CPXM2: variants seen among roughly 807,000 people sequenced by gnomAD.
The protein encoded by CPXM2 is inactive carboxypeptidase-like protein X2.
Under a neutral mutation model 86.1 loss-of-function variants are expected in CPXM2, and 66 were observed. That is an observed-to-expected ratio of 0.77 (90% CI 0.63 to 0.94). The LOEUF is 0.94. CPXM2 is among the 40% of genes least tolerant of loss of function. CPXM2 has a pLI of 0.00. For synonymous variants in CPXM2, 388 were observed against 400.2 expected, an observed-to-expected ratio of 0.97 and a Z score of 0.36; for missense variants, 948 against 1,026.3, an observed-to-expected ratio of 0.92 and a Z score of 1.04.
intron 2 of CPXM2, among the ~76,000 whole-genome samples, chr10:123,911,033 C>G (rs1945484131): frequency 6.6e-6 from 1 of 152,208 alleles, no homozygotes; most frequent in African/African-American, 2.4e-5. Flanking sequence ...CTTATAAGGA[C>G]AGCAGTCATC....
chr10:123,904,679 G>A (rs1945416271), intron 2 of CPXM2, among the ~76,000 whole-genome samples: 1 of 152,128 alleles, frequency 6.6e-6, no homozygotes, highest in African/African-American at 2.4e-5. Context: ...CTGAACGTGT[G>A]TCTCCAAACT....
At chr10:123,785,141 C>T (rs1318913197) in intron 6 of CPXM2, among the ~76,000 whole-genome samples, 1 of 152,180 alleles carries the variant, frequency 6.6e-6, no homozygotes, top group Non-Finnish European at 1.5e-5. Context: ...TACATCTCTG[C>T]TTTTGTTGCT....
chr10:123,800,350 C>A (rs937657329), intron 4 of CPXM2, among the ~76,000 whole-genome samples: 1 of 150,874 alleles, frequency 6.6e-6, no homozygotes, highest in Admixed American at 6.6e-5. Flanking sequence ...AAGCCAGAAT[C>A]GATCACACAC....
intron 8 of CPXM2, 81 bp downstream of exon 8, chr10:123,770,835 T>G (rs892208776): frequency 1.4e-6 from 2 of 1,433,566 alleles, no homozygotes; most frequent in African/African-American, 2.8e-5. Flanking sequence ...ATGAATCTTC[T>G]CATAGGGTGA....
At chr10:123,874,244 T>C (rs1450658488) in intron 2 of CPXM2, among the ~76,000 whole-genome samples, 1 of 152,044 alleles carries the variant, frequency 6.6e-6, no homozygotes, top group African/African-American at 2.4e-5. Context: ...CTGGTTCATA[T>C]ACAGTGGCTA....
intron 4 of CPXM2, among the ~76,000 whole-genome samples, chr10:123,811,926 A>C (rs1370554243): frequency 2.0e-5 from 3 of 152,238 alleles, no homozygotes; most frequent in African/African-American, 7.2e-5. Context: ...AAAAGTAAGA[A>C]TAGCAATGCC....
At position 123,799,540 on chromosome 10, in the gene CPXM2, T is replaced by C. The variant is rs148287986; in HGVS notation, c.654-341A>G. Among the ~76,000 whole-genome samples the C allele has an allele frequency of 5.8e-3, 888 of 152,358 alleles. 11 individuals carry two copies. Among genetic ancestry groups the C allele is most frequent in the African/African-American group, 0.02 (819 of 41,592 alleles). ...AAAGATATACAAATGTGTACGTAAC[T>C]GTTTGCACTGAACACCTACATCACA... On this transcript the variant is annotated intron_variant, in intron 4 of 13. Transcript: ENST00000241305.
At position 123,762,095 on chromosome 10, in the gene CPXM2, G is replaced by A. The variant is rs200898943; in HGVS notation, c.1554C>T (p.Gly518=). The A allele has an allele frequency of 3.8e-5, 62 of 1,613,964 alleles. No homozygotes were observed. In the Admixed American group the frequency reaches 4.8e-4, roughly 13 times the overall value. The change falls in exon 11 of 14, where the codon GGC becomes GGT. Residue 518 remains glycine (G), a synonymous_variant. Transcript: ENST00000241305. ...IPFVLGGNLQ[G]GELVVAYPYD... ...AGGGGTACGCCACCACCAGCTCGCCGCCCTGCAGGTTGCCGCCCAGCACAA... is the reference window on the plus strand; with the variant it reads ...AGGGGTACGCCACCACCAGCTCGCCACCCTGCAGGTTGCCGCCCAGCACAA...
intron 4 of CPXM2, among the ~76,000 whole-genome samples, chr10:123,839,002 T>C (rs1848331050): frequency 6.6e-6 from 1 of 152,212 alleles, no homozygotes; most frequent in Non-Finnish European, 1.5e-5. Flanking sequence ...ATTTTCTAAA[T>C]ATTTCCAAGA....
chr10:123,934,680 A>G (rs1404430541), intron 2 of CPXM2, among the ~76,000 whole-genome samples: 1 of 152,146 alleles, frequency 6.6e-6, no homozygotes, highest in East Asian at 1.9e-4. Flanking sequence ...ACGCACCAGG[A>G]ACAAGCCTGA....
chr10:123,772,014 C>T lies in CPXM2; in HGVS notation c.979-975G>A, dbSNP rs546602353. ...ATAGCAGCATGAGAATGAAGGAATA[C>T]ACCTTCCTTAGTTGTGACTATCACC... On this transcript the variant is annotated intron_variant, in intron 7 of 13. Transcript: ENST00000241305. Among the ~76,000 whole-genome samples, 3 of 152,350 alleles carry T rather than the reference C, an allele frequency of 2.0e-5. No homozygotes were observed. The East Asian group carries it at 5.8e-4, about 29-fold the overall frequency.
At chr10:123,938,803 G>T (rs560019720) in intron 2 of CPXM2, among the ~76,000 whole-genome samples, 1 of 152,304 alleles carries the variant, frequency 6.6e-6, no homozygotes, top group South Asian at 2.1e-4. Context: ...GGCTTTCAAT[G>T]TAGAGTCGGT....
At chr10:123,869,310 T>C (rs902727894) in intron 2 of CPXM2, among the ~76,000 whole-genome samples, 2 of 152,150 alleles carry the variant, frequency 1.3e-5, no homozygotes, top group Non-Finnish European at 2.9e-5. Context: ...TTGAGCCAAT[T>C]TGTTCCAACA....
At chr10:123,779,359 G>A (rs181121598) in intron 7 of CPXM2, among the ~76,000 whole-genome samples, 33 of 152,200 alleles carry the variant, frequency 2.2e-4, no homozygotes, top group African/African-American at 5.8e-4. Context: ...TTCTGCACTC[G>A]GTATGCAAAT....
chr10:123,880,189 G>A (rs1399318751), intron 2 of CPXM2, 22 bp downstream of exon 2: 3 of 998,078 alleles, frequency 3.0e-6, no homozygotes, highest in Non-Finnish European at 4.8e-6. Context: ...TGGTGTAGGG[G>A]CTCTCCGAGA....
chr10:123,767,212 C>A, intron 9 of CPXM2, 60 bp from the exon 10 acceptor site: 1 of 1,468,238 alleles, frequency 6.8e-7, no homozygotes, highest in South Asian at 1.2e-5. Flanking sequence ...GACCCTCTAC[C>A]ATACAAGATG....
chr10:123,796,008 A>C (rs1217642500), intron 6 of CPXM2, among the ~76,000 whole-genome samples: 1 of 151,934 alleles, frequency 6.6e-6, no homozygotes, highest in Non-Finnish European at 1.5e-5. Flanking sequence ...GGAGAGCAAG[A>C]CTCCTGGGCT....
intron 4 of CPXM2, among the ~76,000 whole-genome samples, chr10:123,800,795 T>C (rs1177900058): frequency 2.0e-5 from 3 of 149,906 alleles, no homozygotes; most frequent in East Asian, 3.9e-4. Flanking sequence ...AAAAAAAAAA[T>C]AAGAATACCA....
intron 10 of CPXM2, among the ~76,000 whole-genome samples, chr10:123,764,184 A>G (rs1846416419): frequency 6.6e-6 from 1 of 152,152 alleles, no homozygotes; most frequent in South Asian, 2.1e-4. Context: ...TTTCTCAGTT[A>G]TATAATTTAT....
Sources: gnomAD v4.1 joint callset for allele counts (sites outside exome capture counted in the v4.1 genomes callset) on GRCh38, gnomAD v4.1.1 for gene constraint, MANE v1.5 for transcripts, NCBI Gene and HGNC (gene_info 2026-07-23, HGNC 2026-07-21) for gene names.